GNAL: variants seen among roughly 807,000 people sequenced by gnomAD.
GNAL encodes the protein G protein subunit alpha L.
In GNAL, 18 loss-of-function variants were observed where a neutral mutation model predicts 55.1. The ratio of observed to expected loss-of-function variants is 0.33; its 90% CI spans 0.23 to 0.48. The LOEUF (loss-of-function observed/expected upper bound fraction) is 0.48. Among genes scored for constraint, GNAL ranks in the 20% least tolerant of loss-of-function variants. The probability of loss-of-function intolerance (pLI) is 0.99; values close to 1 mark genes in which losing one functional copy is unlikely to be tolerated. For missense variants in GNAL, 412 were observed against 614.1 expected, an observed-to-expected ratio of 0.67 and a Z score of 3.48; for synonymous variants, 253 against 237.0, an observed-to-expected ratio of 1.07 and a Z score of -0.62.
intron 1 of GNAL, among the ~76,000 whole-genome samples, chr18:11,726,976 C>T (rs939155114): frequency 6.6e-6 from 1 of 151,934 alleles, no homozygotes; most frequent in Non-Finnish European, 1.5e-5. Flanking sequence ...TGAGATCAGC[C>T]AGCAAAGCTT....
chr18:11,741,407 T>C (rs1267734733), intron 1 of GNAL, among the ~76,000 whole-genome samples: 7 of 152,184 alleles, frequency 4.6e-5, no homozygotes, highest in Non-Finnish European at 2.9e-5. Context: ...TTAGCATAAA[T>C]TTCTCTAAAA....
At chr18:11,800,791 C>G (rs2034503078) in intron 4 of GNAL, among the ~76,000 whole-genome samples, 1 of 152,184 alleles carries the variant, frequency 6.6e-6, no homozygotes, top group South Asian at 2.1e-4. Context: ...TTTCCTAGTC[C>G]ATTCATTATC....
chr18:11,761,991 T>C (rs538757476), intron 4 of GNAL, among the ~76,000 whole-genome samples: 2 of 152,344 alleles, frequency 1.3e-5, no homozygotes, highest in Non-Finnish European at 1.5e-5. Context: ...GTATTGATTC[T>C]ATAGGGCCTA....
chr18:11,746,810 T>C (rs955643454), intron 1 of GNAL: 2 of 484,760 alleles, frequency 4.1e-6, no homozygotes, highest in South Asian at 1.6e-5. Context: ...CCCTGATTTA[T>C]TGGTTGCTGG....
Position 11,824,269 on chromosome 18 carries a change from G to GC in GNAL, c.625-649_625-648insC, listed in dbSNP as rs1304704117. 2.4e-5 allele frequency among the ~76,000 whole-genome samples: 3 copies of GC among 123,052 alleles called. No individual in the cohort carries two copies. The East Asian group carries it at 7.5e-4, about 31-fold the overall frequency. 80.7% of individuals were successfully genotyped at this position (123,052 alleles called of 152,430 possible). On this transcript the variant is annotated intron_variant, in intron 4 of 11. Transcript: ENST00000334049. Reference sequence around the variant, plus strand: ...TTTTTTTCATGGCTGAGATGGGGGGGGGGTTCAATGAGTTAAGTTACTGAA... The same window carrying GC: ...TTTTTTTCATGGCTGAGATGGGGGGGCGGGTTCAATGAGTTAAGTTACTGAA...
chr18:11,833,475 C>T (rs923912801), intron 5 of GNAL: 1 of 152,170 alleles, frequency 6.6e-6, no homozygotes, highest in Non-Finnish European at 1.5e-5. Context: ...GCCATCAGCC[C>T]CTGTTACATG....
chr18:11,833,845 G>T (rs116667423), intron 5 of GNAL, among the ~76,000 whole-genome samples: 1 of 152,144 alleles, frequency 6.6e-6, no homozygotes, highest in South Asian at 2.1e-4. Flanking sequence ...GAAATGGAAC[G>T]CTTCGTCACA....
intron 1 of GNAL, among the ~76,000 whole-genome samples, chr18:11,736,627 C>G (rs1318444321): frequency 6.6e-6 from 1 of 152,186 alleles, no homozygotes; most frequent in Non-Finnish European, 1.5e-5. Flanking sequence ...ATAACCTCCT[C>G]TAGCTCATGA....
At chr18:11,781,923 T>C (rs2033932408) in intron 4 of GNAL, among the ~76,000 whole-genome samples, 1 of 152,338 alleles carries the variant, frequency 6.6e-6, no homozygotes, top group East Asian at 1.9e-4. Context: ...ATATTCATAG[T>C]GGCACTGTTT....
chr18:11,693,957 A>T (rs8085488), intron 1 of GNAL, among the ~76,000 whole-genome samples: 3 of 150,892 alleles, frequency 2.0e-5, no homozygotes, highest in Admixed American at 6.6e-5. Flanking sequence ...AGCTCAAGCA[A>T]TCTTCCTGCC....
At chr18:11,757,126 G>A (rs903809781) in intron 4 of GNAL, among the ~76,000 whole-genome samples, 4 of 152,104 alleles carry the variant, frequency 2.6e-5, no homozygotes, top group African/African-American at 4.8e-5. Flanking sequence ...GGGGAAATAC[G>A]GGTGGGTTGC....
chr18:11,838,022 T>C (rs367553322), intron 5 of GNAL, among the ~76,000 whole-genome samples: 8 of 152,038 alleles, frequency 5.3e-5, no homozygotes, highest in Admixed American at 3.9e-4. Context: ...TCCCAGCTAC[T>C]TGGGGGGCCG....
At chr18:11,722,784 G>C (rs1352013440) in intron 1 of GNAL, among the ~76,000 whole-genome samples, 1 of 152,162 alleles carries the variant, frequency 6.6e-6, no homozygotes, top group Non-Finnish European at 1.5e-5. Context: ...GGCCGAGGCA[G>C]GTGGATCACC....
At chr18:11,826,284 GC>G (rs200010824) in intron 5 of GNAL, among the ~76,000 whole-genome samples, 12 of 21,882 alleles carry the variant, frequency 5.5e-4, no homozygotes, top group East Asian at 3.0e-3. Context: ...AGGAGGAGGA[GC>G]GGGGAGGGGG....
rs1164634481 is a variant in GNAL, at chr18:11,814,540, A to G, written c.625-10378A>G. Among the ~76,000 whole-genome samples the G allele has an allele frequency of 4.6e-5, 7 of 152,122 alleles. No individual in the cohort carries two copies. In the East Asian group the frequency reaches 1.4e-3, roughly 29 times the overall value. On this transcript the variant is annotated intron_variant, in intron 4 of 11. Transcript: ENST00000334049. ...AAGACTCTGTCTCAGAAAAGAAAAG[A>G]AAAAGAAAAAAAATGAAAAACAAAA...
chr18:11,702,916 C>G (rs575658378), intron 1 of GNAL, among the ~76,000 whole-genome samples: 99 of 151,996 alleles, frequency 6.5e-4, no homozygotes, highest in African/African-American at 2.2e-3. Context: ...TCAGGAGTTC[C>G]AGACCAGCCT....
At chr18:11,754,011 A>G in intron 4 of GNAL, 66 bp downstream of exon 4, 1 of 1,222,636 alleles carries the variant, frequency 8.2e-7, no homozygotes, top group South Asian at 1.3e-5. Context: ...AAGGTTTCTT[A>G]TTGAGAATCA....
intron 1 of GNAL, among the ~76,000 whole-genome samples, chr18:11,697,009 C>T (rs1342745985): frequency 6.6e-6 from 1 of 152,214 alleles, no homozygotes; most frequent in Non-Finnish European, 1.5e-5. Context: ...CTTCAGTTTC[C>T]ATCTCAATGA....
chr18:11,846,251 G>C (rs185501915), intron 5 of GNAL, among the ~76,000 whole-genome samples: 35 of 151,994 alleles, frequency 2.3e-4, no homozygotes, highest in Admixed American at 1.3e-3. Context: ...ATGGAAGTTA[G>C]GTTTCTCATA....
Sources: gnomAD v4.1 joint callset for allele counts (sites outside exome capture counted in the v4.1 genomes callset) on GRCh38, gnomAD v4.1.1 for gene constraint, MANE v1.5 for transcripts, NCBI Gene and HGNC (gene_info 2026-07-23, HGNC 2026-07-21) for gene names.